Variants in NRXN3 observed in about 807,000 individuals in gnomAD.
NRXN3 encodes the protein neurexin III.
A neutral mutation model predicts 137.6 loss-of-function variants in NRXN3; 32 were observed. The ratio of observed to expected loss-of-function variants is 0.23; its 90% CI spans 0.18 to 0.31. The LOEUF (loss-of-function observed/expected upper bound fraction) is 0.31. Ranked by LOEUF, NRXN3 falls within the 10% of genes least tolerant of loss-of-function variation. The probability of loss-of-function intolerance (pLI) is 1.00; values close to 1 mark genes in which losing one functional copy is unlikely to be tolerated. For synonymous variants in NRXN3, 798 were observed against 784.5 expected (o/e 1.02, Z -0.29); for missense variants, 1,574 against 2,062.5 (o/e 0.76, Z 4.59).
At chr14:78,881,566 A>G (rs1436177015) in intron 10 of NRXN3, among the ~76,000 whole-genome samples, 1 of 151,558 alleles carries the variant, frequency 6.6e-6, no homozygotes, top group Non-Finnish European at 1.5e-5. Context: ...AGATCTGTGG[A>G]ACTTTGAACT....
intron 15 of NRXN3, among the ~76,000 whole-genome samples, chr14:79,000,735 C>G (rs2153107111): frequency 6.6e-6 from 1 of 152,208 alleles, no homozygotes; most frequent in South Asian, 2.1e-4. Context: ...TAGAAAAGGG[C>G]CTGCAGCTCA....
At chr14:78,868,898 A>G (rs1216954909) in intron 10 of NRXN3, among the ~76,000 whole-genome samples, 1 of 152,176 alleles carries the variant, frequency 6.6e-6, no homozygotes, top group Non-Finnish European at 1.5e-5. Flanking sequence ...TTCACTTAGC[A>G]TCATAATGGA....
chr14:79,419,925 A>G (rs921306190), intron 15 of NRXN3, among the ~76,000 whole-genome samples: 2 of 152,212 alleles, frequency 1.3e-5, no homozygotes, highest in East Asian at 1.9e-4. Flanking sequence ...TGATCTGCCA[A>G]TATAAGAGAA....
chr14:78,739,454 C>G (rs1032942424), intron 8 of NRXN3, among the ~76,000 whole-genome samples: 13 of 152,154 alleles, frequency 8.5e-5, no homozygotes, highest in Middle Eastern at 3.2e-3. Flanking sequence ...CTTGGGTACT[C>G]TTTCACAGAC....
chr14:78,686,125 A>G (rs1323741665), intron 6 of NRXN3, among the ~76,000 whole-genome samples: 1 of 152,118 alleles, frequency 6.6e-6, no homozygotes, highest in Non-Finnish European at 1.5e-5. Flanking sequence ...ATGAAAGTAA[A>G]ACTGCATCTG....
chr14:79,294,091 C>G (rs2083634613), intron 15 of NRXN3, among the ~76,000 whole-genome samples: 1 of 152,120 alleles, frequency 6.6e-6, no homozygotes. Context: ...TACAATCTGT[C>G]CATAAAGAGG....
intron 15 of NRXN3, among the ~76,000 whole-genome samples, chr14:79,076,193 T>A (rs1478557976): frequency 6.6e-6 from 1 of 152,170 alleles, no homozygotes; most frequent in South Asian, 2.1e-4. Flanking sequence ...TTGATTCTCA[T>A]TGTTCATTCA....
chr14:78,525,172 C>T (rs959020701), intron 4 of NRXN3, among the ~76,000 whole-genome samples: 7 of 152,168 alleles, frequency 4.6e-5, no homozygotes, highest in Non-Finnish European at 8.8e-5. Flanking sequence ...ACCCTTTGCA[C>T]AGGCTGAAGT....
rs142900826 is a variant in NRXN3, at chr14:78,695,929, A to G, written c.1222-13288A>G. Among the ~76,000 whole-genome samples the G allele has an allele frequency of 1.5e-3, 230 of 152,134 alleles. 1 individual carries two copies. Among genetic ancestry groups the G allele is most frequent in the African/African-American group, 5.4e-3 (224 of 41,484 alleles). On this transcript the variant is annotated intron_variant, in intron 6 of 20. Coordinates refer to ENST00000335750, the MANE Select transcript of NRXN3 (RefSeq NM_001330195.2). ...ACTTCAGTACCTAAAATTGGGATGC[A>G]GATGTTTCTTGACTTCTTCATGTCT... is the stretch of plus-strand genomic sequence containing the variant.
chr14:79,253,478 A>C (rs2076199583), intron 15 of NRXN3, among the ~76,000 whole-genome samples: 1 of 152,190 alleles, frequency 6.6e-6, no homozygotes, highest in African/African-American at 2.4e-5. Context: ...GACATCCTAG[A>C]GGGCAAAATT....
intron 8 of NRXN3, among the ~76,000 whole-genome samples, chr14:78,773,058 G>C (rs962466281): frequency 6.6e-6 from 1 of 152,046 alleles, no homozygotes; most frequent in Admixed American, 6.6e-5. Context: ...CTGAGTAGAC[G>C]AGGCCTGTGA....
At chr14:78,248,430 T>G (rs2068071890) in intron 2 of NRXN3, among the ~76,000 whole-genome samples, 2 of 148,150 alleles carry the variant, frequency 1.3e-5, no homozygotes, top group African/African-American at 5.0e-5. Flanking sequence ...TTCAATTTCT[T>G]TTTTTTTTTA....
chr14:78,774,796 C>T (rs921700271), intron 8 of NRXN3, among the ~76,000 whole-genome samples: 3 of 152,080 alleles, frequency 2.0e-5, no homozygotes, highest in Admixed American at 6.5e-5. Context: ...TGGTAGTGCA[C>T]ACCTGTAGTC....
chr14:79,284,348 A>G (rs1468707725), intron 15 of NRXN3, among the ~76,000 whole-genome samples: 1 of 71,174 alleles, frequency 1.4e-5, no homozygotes, highest in Non-Finnish European at 2.6e-5. Flanking sequence ...AAATACATAT[A>G]TATATATATA....
intron 4 of NRXN3, among the ~76,000 whole-genome samples, chr14:78,433,611 G>T (rs558543987): frequency 3.9e-5 from 6 of 152,214 alleles, no homozygotes; most frequent in South Asian, 4.2e-4. Flanking sequence ...ATTGAAGTAG[G>T]TTCCTGATGA....
At chr14:78,679,139 A>G (rs2098044692) in intron 6 of NRXN3, among the ~76,000 whole-genome samples, 1 of 152,240 alleles carries the variant, frequency 6.6e-6, no homozygotes, top group African/African-American at 2.4e-5. Context: ...TTTCATAGAA[A>G]AAAAGTATTA....
At chr14:79,162,119 TTG>T (rs747312763) in intron 15 of NRXN3, among the ~76,000 whole-genome samples, 1 of 140,008 alleles carries the variant, frequency 7.1e-6, no homozygotes, top group Non-Finnish European at 1.6e-5. Flanking sequence ...TTTTTTTTTT[TTG>T]TGGTTAGCTT....
intron 16 of NRXN3, among the ~76,000 whole-genome samples, chr14:79,551,713 C>A (rs2153749224): frequency 6.6e-6 from 1 of 152,272 alleles, no homozygotes; most frequent in East Asian, 1.9e-4. Context: ...CTCAGTGAAA[C>A]TGAAATGCGC....
At chr14:79,435,593 TACACAC>T (rs35554281) in intron 15 of NRXN3, among the ~76,000 whole-genome samples, 3,344 of 143,908 alleles carry the variant, frequency 0.023, 87 homozygotes, top group African/African-American at 0.063. Flanking sequence ...AACACTAAGA[TACACAC>T]ACACACACAC....
Sources: allele counts gnomAD v4.1 joint callset (sites outside exome capture counted in the v4.1 genomes callset), GRCh38; gene constraint gnomAD v4.1.1; transcripts MANE v1.5; gene names NCBI Gene and HGNC (gene_info 2026-07-23, HGNC 2026-07-21).